The following BBS4 variants were observed in gnomAD, a reference collection of about 807,000 sequenced individuals.
The protein encoded by BBS4 is BBSome complex member BBS4.
BBS4 carries 58 observed loss-of-function variants against 71.4 expected under a neutral mutation model. The ratio of observed to expected loss-of-function variants is 0.81; its 90% CI spans 0.66 to 1.01. The LOEUF is 1.01. Ranked by LOEUF, BBS4 falls within the 50% of genes least tolerant of loss-of-function variation. The pLI, the probability that BBS4 is intolerant of heterozygous loss-of-function variation, is 0.00. For synonymous variants in BBS4, 228 were observed against 216.8 expected (o/e 1.05, Z -0.46); for missense variants, 660 against 607.9 (o/e 1.09, Z -0.90).
chr15:72,710,411 A>G (rs1158714046), intron 3 of BBS4, among the ~76,000 whole-genome samples: 1 of 152,022 alleles, frequency 6.6e-6, no homozygotes, highest in Non-Finnish European at 1.5e-5. Flanking sequence ...CATATTGGCC[A>G]GGCTGGTCTC....
In BBS4 at chr15:72,737,575, AAG is replaced by A. The variant is rs1463405501; in HGVS notation, c.1554_1555del (p.Lys519IlefsTer5). The stretch of plus-strand genomic sequence containing the variant: ...GTCCAACTGAAACATCAGAACAAAT[AAG>A]AGAGAAATAAGAATAGAATGAATGA... ...SSPTETSEQI[R>X]EK is the part of the protein sequence containing the mutation. On this transcript the variant is annotated frameshift_variant, in exon 16 of 16. Coordinates refer to ENST00000268057, the MANE Select transcript of BBS4 (RefSeq NM_033028.5). LOFTEE classifies it high-confidence loss of function. 11 of 1,606,780 alleles carry A rather than the reference AAG, an allele frequency of 6.8e-6. No homozygotes were observed. The highest frequency in any genetic ancestry group is 2.7e-5 in the African/African-American group (2 of 74,828).
intron 2 of BBS4, among the ~76,000 whole-genome samples, chr15:72,707,507 C>G (rs775354557): frequency 4.6e-4 from 70 of 152,160 alleles, no homozygotes; most frequent in Admixed American, 1.0e-3. Context: ...AGGACTGTCT[C>G]CAACATATTA....
chr15:72,687,765 T>TA (rs959604964), intron 1 of BBS4, among the ~76,000 whole-genome samples: 9 of 150,994 alleles, frequency 6.0e-5, no homozygotes, highest in Non-Finnish European at 8.8e-5. Context: ...CTGTCCCTAC[T>TA]AAAAAAATAC....
At chr15:72,698,026 C>G (rs1290801435) in intron 2 of BBS4, 2 of 455,778 alleles carry the variant, frequency 4.4e-6, no homozygotes, top group Non-Finnish European at 8.8e-6. Context: ...GAAGATCTTA[C>G]CCATCATTGA....
chr15:72,721,421 C>T (rs771398175), intron 6 of BBS4, among the ~76,000 whole-genome samples: 1 of 151,986 alleles, frequency 6.6e-6, no homozygotes, highest in African/African-American at 2.4e-5. Context: ...GTACCTAATT[C>T]TGTCTGCACT....
At chr15:72,728,698 C>G (rs973797101) in intron 9 of BBS4, among the ~76,000 whole-genome samples, 2 of 152,148 alleles carry the variant, frequency 1.3e-5, no homozygotes, top group African/African-American at 4.8e-5. Flanking sequence ...ATACTTTTAT[C>G]TAGAATAAGA....
chr15:72,725,565 A>C (rs1672364443), intron 8 of BBS4, among the ~76,000 whole-genome samples: 2 of 152,246 alleles, frequency 1.3e-5, no homozygotes, highest in South Asian at 4.1e-4. Context: ...GTTTTCAGAG[A>C]TATTATTAGG....
chr15:72,687,311 T>C (rs1426177020), intron 1 of BBS4, among the ~76,000 whole-genome samples: 1 of 151,700 alleles, frequency 6.6e-6, no homozygotes, highest in Admixed American at 6.6e-5. Context: ...CTAAGAAATT[T>C]AAAATAGCTA....
At chr15:72,732,803 G>T (rs2065850695) in intron 12 of BBS4, among the ~76,000 whole-genome samples, 1 of 152,192 alleles carries the variant, frequency 6.6e-6, no homozygotes, top group African/African-American at 2.4e-5. Context: ...GGGAGCAAGG[G>T]GTAAATGTGG....
At chr15:72,705,880 T>C (rs1390888332) in intron 2 of BBS4, among the ~76,000 whole-genome samples, 6 of 152,092 alleles carry the variant, frequency 3.9e-5, no homozygotes, top group African/African-American at 1.4e-4. Flanking sequence ...CCACTATAGC[T>C]AGCCCTGATT....
At chr15:72,710,447 G>A (rs958527281) in intron 3 of BBS4, among the ~76,000 whole-genome samples, 5 of 152,062 alleles carry the variant, frequency 3.3e-5, no homozygotes, top group East Asian at 1.9e-4. Context: ...TGATCTGCCC[G>A]CCTTGGCCTC....
At chr15:72,721,429 A>G (rs983599712) in intron 6 of BBS4, among the ~76,000 whole-genome samples, 1 of 152,146 alleles carries the variant, frequency 6.6e-6, no homozygotes, top group African/African-American at 2.4e-5. Flanking sequence ...TTCTGTCTGC[A>G]CTTACGTATG....
At chr15:72,730,732 C>T (rs1000575205) in intron 10 of BBS4, among the ~76,000 whole-genome samples, 1 of 152,134 alleles carries the variant, frequency 6.6e-6, no homozygotes. Flanking sequence ...GCAAGACAAG[C>T]TGTTTATTAA....
chr15:72,700,594 G>C (rs1271786104), intron 2 of BBS4, among the ~76,000 whole-genome samples: 2 of 152,052 alleles, frequency 1.3e-5, no homozygotes, highest in Non-Finnish European at 1.5e-5. Context: ...TGTAGTGTCT[G>C]CTCAAGTTTT....
In BBS4 at chr15:72,737,665, C is replaced by T; in HGVS notation, c.*78C>T. 1 of 1,185,634 alleles carries T rather than the reference C, an allele frequency of 8.4e-7. No homozygotes were observed. Among genetic ancestry groups the T allele is most frequent in the Non-Finnish European group, 1.2e-6 (1 of 823,632 alleles). The allele number at this position is 1,185,634 out of a possible 1,614,324, so 73.4% of individuals were successfully genotyped here. A position where few individuals can be genotyped will look rare whatever the true frequency, so the allele number is the denominator to read the frequency against. On this transcript the variant is annotated 3_prime_UTR_variant, in exon 16 of 16. Transcript: ENST00000268057. ...ATTAGGAAAGGTGACATGACACAGG[C>T]AGAGCAGAGTGGCACCCACCACAGA...
chr15:72,737,708 A>G lies in BBS4; in HGVS notation c.*121A>G. ...ACCACAGAATACAGTGTGTGTTATTACGAGGAGCCAGCAGTTGAGCCTAAG... is the reference window on the plus strand; with the variant it reads ...ACCACAGAATACAGTGTGTGTTATTGCGAGGAGCCAGCAGTTGAGCCTAAG... On this transcript the variant is annotated 3_prime_UTR_variant, in exon 16 of 16. Transcript: ENST00000268057. 1 of 837,638 alleles carries G rather than the reference A, an allele frequency of 1.2e-6. No homozygotes were observed. The highest frequency in any genetic ancestry group is 1.9e-6 in the Non-Finnish European group (1 of 515,416). The allele number at this position is 837,638 out of a possible 1,614,324, so 51.9% of individuals were successfully genotyped here.
Position 72,727,945 on chromosome 15 carries a change from C to T in BBS4, c.593C>T (p.Ser198Leu), listed in dbSNP as rs751076253. The change falls in exon 9 of 16, where the codon TCA becomes TTA. Residue 198 changes from serine to leucine, a missense_variant. Physicochemically the swap from Ser to Leu is moderately radical, Grantham distance 145 (BLOSUM62 -2). Transcript: ENST00000268057. ...IEVYKKAVEF[S>L]PENTELLTTL... ...TGAGCATCTCTATGTTGCAGGTTCT[C>T]ACCAGAAAATACAGAGCTTCTTACA... is the stretch of plus-strand genomic sequence containing the variant. 20 of 1,612,064 alleles carry T rather than the reference C, an allele frequency of 1.2e-5. No homozygotes were observed. The highest frequency in any genetic ancestry group is 1.6e-5 in the Non-Finnish European group (19 of 1,178,168).
At chr15:72,691,953 C>A (rs116797746) in intron 1 of BBS4, among the ~76,000 whole-genome samples, 1,121 of 82,610 alleles carry the variant, frequency 0.014, 10 homozygotes, top group African/African-American at 0.042. Flanking sequence ...AGCGAGACTT[C>A]GTCTCAAAAA....
At position 72,736,824 on chromosome 15, in the gene BBS4, C is replaced by G. The variant is rs945847885; in HGVS notation, c.1311C>G (p.Thr437=). 10 of 1,614,016 alleles carry G rather than the reference C, an allele frequency of 6.2e-6. No individual in the cohort carries two copies. In the Admixed American group the frequency reaches 8.3e-5, roughly 13 times the overall value. The change falls in exon 15 of 16, where the codon ACC becomes ACG. Residue 437 remains threonine (T), a synonymous_variant. Transcript: ENST00000268057. ...ALQVGEALVW[T]KPVKDPKSKH... ...AGGTTGGGGAGGCACTGGTCTGGAC[C>G]AAACCAGTTAAAGATCCCAAATCAA...
Sources: allele counts gnomAD v4.1 joint callset (sites outside exome capture counted in the v4.1 genomes callset), GRCh38; gene constraint gnomAD v4.1.1; transcripts MANE v1.5; gene names NCBI Gene and HGNC (gene_info 2026-07-23, HGNC 2026-07-21).